AGBL4: variants seen among roughly 807,000 people sequenced by gnomAD.
AGBL4 encodes cytosolic carboxypeptidase 6.
In AGBL4, 58 loss-of-function variants were observed where a neutral mutation model predicts 66.4. The observed-to-expected ratio is 0.87, with a 90% confidence interval of 0.71 to 1.09. AGBL4 has a LOEUF of 1.09. Ranked by LOEUF, AGBL4 falls within the 50% of genes least tolerant of loss-of-function variation. AGBL4 has a pLI of 0.00. For synonymous variants in AGBL4, 234 were observed against 222.9 expected, an observed-to-expected ratio of 1.05 and a Z score of -0.44; for missense variants, 579 against 631.0, an observed-to-expected ratio of 0.92 and a Z score of 0.88.
intron 11 of AGBL4, among the ~76,000 whole-genome samples, chr1:48,564,786 A>G (rs1280489036): frequency 6.6e-6 from 1 of 152,212 alleles, no homozygotes; most frequent in African/African-American, 2.4e-5. Context: ...AACTCACCAG[A>G]CAACAAAACA....
intron 2 of AGBL4, among the ~76,000 whole-genome samples, chr1:49,755,690 C>A (rs931378253): frequency 6.6e-6 from 1 of 152,152 alleles, no homozygotes. Context: ...TTAGAGGCAG[C>A]AGCATGAATT....
At chr1:48,835,738 C>A (rs1203654236) in intron 6 of AGBL4, among the ~76,000 whole-genome samples, 1 of 152,108 alleles carries the variant, frequency 6.6e-6, no homozygotes, top group Non-Finnish European at 1.5e-5. Context: ...AACTTCAAGA[C>A]CCTAGAACTC....
At chr1:49,360,024 T>C (rs1279205002) in intron 3 of AGBL4, among the ~76,000 whole-genome samples, 5 of 152,124 alleles carry the variant, frequency 3.3e-5, no homozygotes, top group Non-Finnish European at 5.9e-5. Context: ...CAGATGACAG[T>C]AGAGGTTGTC....
chr1:49,064,006 A>G (rs1002596862), intron 4 of AGBL4, among the ~76,000 whole-genome samples: 1 of 152,234 alleles, frequency 6.6e-6, no homozygotes, highest in African/African-American at 2.4e-5. Flanking sequence ...TAATTATGCA[A>G]TGTTGGGCAA....
At chr1:49,819,516 C>G (rs571980657) in intron 2 of AGBL4, among the ~76,000 whole-genome samples, 1 of 152,236 alleles carries the variant, frequency 6.6e-6, no homozygotes, top group East Asian at 1.9e-4. Flanking sequence ...CCCAAGACCA[C>G]ATAGATAATA....
intron 2 of AGBL4, among the ~76,000 whole-genome samples, chr1:49,781,397 T>TA (rs1007608711): frequency 2.0e-5 from 3 of 151,986 alleles, no homozygotes; most frequent in South Asian, 2.1e-4. Flanking sequence ...CCCTGTCTCT[T>TA]AAAAAAACAA....
chr1:49,093,537 C>T (rs1557634613), intron 4 of AGBL4, among the ~76,000 whole-genome samples: 1 of 152,060 alleles, frequency 6.6e-6, no homozygotes, highest in Non-Finnish European at 1.5e-5. Context: ...CATTACAGTA[C>T]AGTGTAAGCA....
chr1:49,081,694 T>C (rs746757884), intron 4 of AGBL4, among the ~76,000 whole-genome samples: 4 of 152,192 alleles, frequency 2.6e-5, no homozygotes, highest in Non-Finnish European at 5.9e-5. Context: ...AAAAAGGCAC[T>C]CACCAAGCCA....
chr1:49,462,817 C>T (rs946106), intron 3 of AGBL4, among the ~76,000 whole-genome samples: 123,001 of 151,528 alleles, frequency 0.81, 50,622 homozygotes, highest in African/African-American at 0.93. Flanking sequence ...TTTTGTGCTG[C>T]TTTTCATGTC....
chr1:49,707,902 G>A (rs1038382862), intron 2 of AGBL4, among the ~76,000 whole-genome samples: 16 of 152,066 alleles, frequency 1.1e-4, no homozygotes, highest in African/African-American at 3.9e-4. Context: ...TGGCTTGTAG[G>A]GTTTCTGCAG....
intron 2 of AGBL4, among the ~76,000 whole-genome samples, chr1:49,712,368 A>C (rs1005624954): frequency 6.6e-6 from 1 of 151,896 alleles, no homozygotes; most frequent in Non-Finnish European, 1.5e-5. Flanking sequence ...GCATGATCTC[A>C]CTTATATATG....
chr1:49,414,465 TTG>T lies in AGBL4; in HGVS notation c.283-168603_283-168602del, dbSNP rs1645384003. Among the ~76,000 whole-genome samples the T allele has an allele frequency of 7.2e-5, 11 of 152,324 alleles. No individual in the cohort carries two copies. In the South Asian group the frequency reaches 2.3e-3, roughly 32 times the overall value. ...ATGCAGACTAGCTTCTTAAATATTT[TTG>T]AAGTGAAATTATCCATAATGAGGAA... On this transcript the variant is annotated intron_variant, in intron 3 of 13. Coordinates refer to ENST00000371839, the MANE Select transcript of AGBL4 (RefSeq NM_032785.4).
intron 4 of AGBL4, among the ~76,000 whole-genome samples, chr1:49,128,304 A>C (rs138767275): frequency 6.6e-6 from 1 of 152,042 alleles, no homozygotes; most frequent in African/African-American, 2.4e-5. Flanking sequence ...TTATTATGCT[A>C]TCAATTATCC....
intron 5 of AGBL4, among the ~76,000 whole-genome samples, chr1:48,911,935 T>C (rs1653163104): frequency 1.3e-5 from 2 of 152,230 alleles, no homozygotes; most frequent in African/African-American, 4.8e-5. Flanking sequence ...AATTGCATTA[T>C]TTTTATAATT....
chr1:48,922,401 G>T (rs183818351), intron 5 of AGBL4, among the ~76,000 whole-genome samples: 1 of 152,180 alleles, frequency 6.6e-6, no homozygotes, highest in East Asian at 1.9e-4. Context: ...GGTAAGAGAA[G>T]GATGCTAGCC....
chr1:48,982,139 G>A (rs927529553), intron 5 of AGBL4, among the ~76,000 whole-genome samples: 13 of 152,164 alleles, frequency 8.5e-5, no homozygotes, highest in African/African-American at 3.1e-4. Context: ...TAAAGTACAA[G>A]GGAGAAGGAG....
intron 3 of AGBL4, among the ~76,000 whole-genome samples, chr1:49,502,622 T>G (rs1168792100): frequency 1.3e-5 from 2 of 152,130 alleles, no homozygotes; most frequent in African/African-American, 4.8e-5. Flanking sequence ...ATGGTTTTAA[T>G]GAAAATGCTG....
rs563680304 is a variant in AGBL4, at chr1:48,849,985, A to AAAAT, written c.634+17202_634+17205dup. ...AAGACTCCATCTCAAAAAATAAAAT[A>AAAAT]AAATAAGAAAATAAAAAATAAAACA... On this transcript the variant is annotated intron_variant, in intron 6 of 13. Transcript: ENST00000371839. Among the ~76,000 whole-genome samples, 231 of 152,286 alleles carry AAAAT rather than the reference A, an allele frequency of 1.5e-3. 4 individuals are homozygous for AAAAT. Among genetic ancestry groups the AAAAT allele is most frequent in the African/African-American group, 5.4e-3 (224 of 41,556 alleles).
chr1:48,900,580 C>T (rs1442409155), intron 5 of AGBL4, among the ~76,000 whole-genome samples: 2 of 152,158 alleles, frequency 1.3e-5, no homozygotes, highest in East Asian at 1.9e-4. Flanking sequence ...TAGACCCACA[C>T]ATATATAGAC....
Sources: allele counts gnomAD v4.1 joint callset (sites outside exome capture counted in the v4.1 genomes callset), GRCh38; gene constraint gnomAD v4.1.1; transcripts MANE v1.5; gene names NCBI Gene and HGNC (gene_info 2026-07-23, HGNC 2026-07-21).